Variants in WWOX observed in about 807,000 individuals in gnomAD.
WWOX encodes WW domain-containing oxidoreductase.
WWOX carries 69 observed loss-of-function variants against 46.2 expected under a neutral mutation model. The ratio of observed to expected loss-of-function variants is 1.49; its 90% confidence interval spans 1.23 to 1.82. WWOX has a LOEUF of 1.82. Ranked by LOEUF, WWOX falls within the 40% of genes most tolerant of loss-of-function variation. The probability of loss-of-function intolerance (pLI) is 0.00; values close to 1 mark genes in which losing one functional copy is unlikely to be tolerated. For synonymous variants in WWOX, 359 were observed against 202.6 expected, an observed-to-expected ratio of 1.77 and a Z score of -6.56; for missense variants, 919 against 542.6, an observed-to-expected ratio of 1.69 and a Z score of -6.89.
chr16:78,455,339 C>G (rs1157454304), intron 8 of WWOX, among the ~76,000 whole-genome samples: 4 of 151,984 alleles, frequency 2.6e-5, no homozygotes, highest in East Asian at 1.9e-4. Flanking sequence ...ATATTCTAAT[C>G]TAATATTTTA....
chr16:78,896,763 G>A (rs898435279), intron 8 of WWOX: 1 of 152,108 alleles, frequency 6.6e-6, no homozygotes, highest in African/African-American at 2.4e-5. Flanking sequence ...AAGTGTGTGT[G>A]TGTGTGAGAG....
chr16:78,622,751 A>G (rs535280435), intron 8 of WWOX, among the ~76,000 whole-genome samples: 1 of 152,196 alleles, frequency 6.6e-6, no homozygotes, highest in Non-Finnish European at 1.5e-5. Context: ...AGATTCGGTT[A>G]CACTATATGG....
chr16:78,643,251 T>G (rs996215758), intron 8 of WWOX, among the ~76,000 whole-genome samples: 2 of 152,160 alleles, frequency 1.3e-5, no homozygotes, highest in African/African-American at 2.4e-5. Context: ...CATGAATAAT[T>G]ATCATCTATC....
intron 8 of WWOX, among the ~76,000 whole-genome samples, chr16:79,105,688 G>C (rs116336703): frequency 1.5e-3 from 229 of 150,710 alleles, no homozygotes; most frequent in African/African-American, 5.4e-3. Flanking sequence ...TGCGAGACAG[G>C]GTCTCACTCT....
intron 8 of WWOX, among the ~76,000 whole-genome samples, chr16:78,830,480 T>A (rs1333713279): frequency 1.3e-5 from 2 of 152,040 alleles, no homozygotes; most frequent in Non-Finnish European, 2.9e-5. Flanking sequence ...CTTGGCTGCC[T>A]GAAGAGGCCT....
chr16:78,689,478 C>G (rs1302161779), intron 8 of WWOX, among the ~76,000 whole-genome samples: 1 of 152,238 alleles, frequency 6.6e-6, no homozygotes, highest in East Asian at 1.9e-4. Flanking sequence ...CACTTCTCAA[C>G]TAGACCTTGA....
At chr16:78,371,692 T>A (rs904015510) in intron 5 of WWOX, among the ~76,000 whole-genome samples, 2 of 152,296 alleles carry the variant, frequency 1.3e-5, no homozygotes, top group Admixed American at 1.3e-4. Flanking sequence ...TCTTTAGTGT[T>A]TAGTGTTTTT....
intron 8 of WWOX, among the ~76,000 whole-genome samples, chr16:78,678,877 C>T (rs972909486): frequency 6.6e-6 from 1 of 152,166 alleles, no homozygotes; most frequent in Non-Finnish European, 1.5e-5. Context: ...CTGGAGACGA[C>T]TGAGGCTCAC....
intron 8 of WWOX, among the ~76,000 whole-genome samples, chr16:78,901,116 C>A (rs1041224181): frequency 5.9e-5 from 9 of 152,198 alleles, no homozygotes; most frequent in African/African-American, 2.2e-4. Context: ...TACCTTTCTC[C>A]TTCAAGCTGG....
chr16:78,516,248 C>T (rs1043327158), intron 8 of WWOX, among the ~76,000 whole-genome samples: 1 of 152,086 alleles, frequency 6.6e-6, no homozygotes, highest in Non-Finnish European at 1.5e-5. Flanking sequence ...ACATCTATGC[C>T]AAATGCAGGG....
intron 5 of WWOX, among the ~76,000 whole-genome samples, chr16:78,359,002 A>G (rs1302576252): frequency 1.3e-5 from 2 of 151,850 alleles, no homozygotes; most frequent in Non-Finnish European, 2.9e-5. Context: ...TGCTGGGCAC[A>G]GATTCTGTTT....
chr16:79,073,970 C>A (rs1373637979), intron 8 of WWOX, among the ~76,000 whole-genome samples: 1 of 150,572 alleles, frequency 6.6e-6, no homozygotes, highest in African/African-American at 2.4e-5. Context: ...AGGAGGGTAC[C>A]CTTCACAAAG....
At chr16:79,169,664 G>C (rs532251572) in intron 8 of WWOX, among the ~76,000 whole-genome samples, 1 of 152,340 alleles carries the variant, frequency 6.6e-6, no homozygotes, top group African/African-American at 2.4e-5. Context: ...AACTAGGAAG[G>C]TAGGTTGTCC....
intron 5 of WWOX, among the ~76,000 whole-genome samples, chr16:78,289,637 G>A (rs2079828226): frequency 6.6e-6 from 1 of 152,104 alleles, no homozygotes; most frequent in Non-Finnish European, 1.5e-5. Context: ...ATGAACGAAG[G>A]GAAGAATAAG....
At chr16:78,353,545 C>T (rs561329395) in intron 5 of WWOX, among the ~76,000 whole-genome samples, 2 of 152,226 alleles carry the variant, frequency 1.3e-5, no homozygotes, top group Admixed American at 6.5e-5. Flanking sequence ...AAGCCAAAGA[C>T]TTTCTGAAAT....
chr16:78,929,367 C>T (rs138552787), intron 8 of WWOX, among the ~76,000 whole-genome samples: 4 of 151,724 alleles, frequency 2.6e-5, no homozygotes, highest in Non-Finnish European at 5.9e-5. Flanking sequence ...TATTTTTTCT[C>T]CTGCTTGCCT....
intron 8 of WWOX, among the ~76,000 whole-genome samples, chr16:78,857,494 A>G (rs1400558129): frequency 6.6e-6 from 1 of 152,088 alleles, no homozygotes; most frequent in Non-Finnish European, 1.5e-5. Context: ...TGCTTAAGCA[A>G]TTTTCTGATA....
chr16:78,305,266 C>T (rs547205337), intron 5 of WWOX, among the ~76,000 whole-genome samples: 2 of 152,212 alleles, frequency 1.3e-5, no homozygotes, highest in African/African-American at 2.4e-5. Flanking sequence ...CCGGGGCCCT[C>T]CAGCTGCTGT....
At chr16:78,739,810 C>G (rs2049173325) in intron 8 of WWOX, among the ~76,000 whole-genome samples, 1 of 152,036 alleles carries the variant, frequency 6.6e-6, no homozygotes, top group South Asian at 2.1e-4. Flanking sequence ...GATTCCATCT[C>G]AAAAAACAAA....
Sources: gnomAD v4.1 joint callset for allele counts (sites outside exome capture counted in the v4.1 genomes callset) on GRCh38, gnomAD v4.1.1 for gene constraint, MANE v1.5 for transcripts, NCBI Gene and HGNC (gene_info 2026-07-23, HGNC 2026-07-21) for gene names.